TENM3: variants seen among roughly 807,000 people sequenced by gnomAD.
TENM3 encodes the protein teneurin transmembrane protein 3.
In TENM3, 63 loss-of-function variants were observed where a neutral mutation model predicts 255.1. The observed-to-expected ratio is 0.25, with a 90% confidence interval of 0.20 to 0.30. The LOEUF (loss-of-function observed/expected upper bound fraction) is 0.30. Ranked by LOEUF, TENM3 falls within the 10% of genes least tolerant of loss-of-function variation. The probability of loss-of-function intolerance (pLI) is 1.00; values close to 1 mark genes in which losing one functional copy is unlikely to be tolerated. For missense variants in TENM3, 2,929 were observed against 3,461.1 expected (o/e 0.85, Z 3.86); for synonymous variants, 1,306 against 1,322.3 (o/e 0.99, Z 0.27).
intron 3 of TENM3, among the ~76,000 whole-genome samples, chr4:182,416,625 CA>C (rs1770379061): frequency 6.6e-6 from 1 of 152,078 alleles, no homozygotes; most frequent in Admixed American, 6.5e-5. Flanking sequence ...TAAATAAAGT[CA>C]TTGAATATCT....
chr4:181,921,725 T>C, the TENM3 span, among the ~76,000 whole-genome samples: 1 of 152,164 alleles, frequency 6.6e-6, no homozygotes, highest in Non-Finnish European at 1.5e-5. Context: ...ATACCCTTTA[T>C]TTCCTTCTCC....
intron 3 of TENM3, among the ~76,000 whole-genome samples, chr4:182,420,169 A>C (rs893167605): frequency 2.6e-5 from 4 of 152,122 alleles, no homozygotes; most frequent in African/African-American, 9.7e-5. Flanking sequence ...CTATCTGTCA[A>C]GCAGCCTCCT....
intron 4 of TENM3, among the ~76,000 whole-genome samples, chr4:182,609,472 A>G (rs1277386087): frequency 3.3e-5 from 5 of 152,340 alleles, no homozygotes; most frequent in African/African-American, 9.6e-5. Flanking sequence ...TTCTTATACC[A>G]TAAGATTAAA....
intron 1 of TENM3, among the ~76,000 whole-genome samples, chr4:182,205,215 C>G (rs1451397941): frequency 1.3e-5 from 2 of 152,214 alleles, no homozygotes; most frequent in Non-Finnish European, 2.9e-5. Context: ...CTATCACACC[C>G]TTTTCCAATC....
At chr4:182,385,520 C>T (rs1482702974) in intron 3 of TENM3, among the ~76,000 whole-genome samples, 1 of 152,138 alleles carries the variant, frequency 6.6e-6, no homozygotes, top group Non-Finnish European at 1.5e-5. Flanking sequence ...CTGCCTCGGC[C>T]TCCCAAAGTG....
the TENM3 span, among the ~76,000 whole-genome samples, chr4:181,853,868 A>G: frequency 1.3e-5 from 2 of 152,222 alleles, no homozygotes; most frequent in Admixed American, 6.5e-5. Context: ...GATCTTGATA[A>G]GGGAGATTTA....
chr4:181,630,438 C>T, the TENM3 span, among the ~76,000 whole-genome samples: 24 of 152,170 alleles, frequency 1.6e-4, no homozygotes, highest in African/African-American at 5.3e-4. Flanking sequence ...GTTAGGGTGT[C>T]GATTTTAGCT....
chr4:182,048,650 C>G, the TENM3 span, among the ~76,000 whole-genome samples: 1 of 152,044 alleles, frequency 6.6e-6, no homozygotes, highest in Non-Finnish European at 1.5e-5. Context: ...AAACTTTTTT[C>G]TTTTTACATA....
chr4:182,076,217 T>TC, the TENM3 span, among the ~76,000 whole-genome samples: 26 of 87,666 alleles, frequency 3.0e-4, no homozygotes, highest in African/African-American at 9.2e-4. Flanking sequence ...CTTCTTCTTT[T>TC]TTTTTTTTTT....
chr4:182,082,026 C>T, the TENM3 span, among the ~76,000 whole-genome samples: 1 of 152,080 alleles, frequency 6.6e-6, no homozygotes. Context: ...ATTTTACTTG[C>T]TTAGGGTTAT....
At chr4:181,729,208 C>T in the TENM3 span, among the ~76,000 whole-genome samples, 6 of 152,232 alleles carry the variant, frequency 3.9e-5, no homozygotes, top group African/African-American at 1.4e-4. Context: ...TTATTTCTCG[C>T]TGAAAAAGTC....
chr4:182,426,007 C>CAAAAAAAAAA (rs55836889), intron 3 of TENM3, among the ~76,000 whole-genome samples: 19 of 90,718 alleles, frequency 2.1e-4, no homozygotes, highest in Non-Finnish European at 3.3e-4. Context: ...GAGTCCATGT[C>CAAAAAAAAAA]AAAAAAAAAA....
intron 2 of TENM3, among the ~76,000 whole-genome samples, chr4:182,338,702 T>C (rs1421369979): frequency 6.6e-6 from 1 of 152,188 alleles, no homozygotes; most frequent in Non-Finnish European, 1.5e-5. Context: ...TAATAATGTC[T>C]CTGCACCATT....
rs1341140022 is a variant in TENM3, at chr4:182,733,877, ATCTG to A, written c.2967+2744_2967+2747del. Among the ~76,000 whole-genome samples the A allele has an allele frequency of 2.0e-5, 3 of 152,314 alleles. No homozygotes were observed. In the East Asian group the frequency reaches 5.8e-4, roughly 29 times the overall value. On this transcript the variant is annotated intron_variant, in intron 16 of 27. Coordinates refer to ENST00000511685, the MANE Select transcript of TENM3 (RefSeq NM_001080477.4). Reference sequence around the variant, plus strand: ...AAAATAGACTTTACCTAGAGTCAGTATCTGTCTGTAGGTGCCAAATTTCTAGCAA... The same window carrying A: ...AAAATAGACTTTACCTAGAGTCAGTATCTGTAGGTGCCAAATTTCTAGCAA...
intron 1 of TENM3, among the ~76,000 whole-genome samples, chr4:182,152,547 T>C (rs1308619927): frequency 6.6e-6 from 1 of 151,908 alleles, no homozygotes; most frequent in Non-Finnish European, 1.5e-5. Context: ...CCTCAATTGT[T>C]ACTTTGTCCT....
chr4:181,816,383 G>T, the TENM3 span, among the ~76,000 whole-genome samples: 1 of 152,132 alleles, frequency 6.6e-6, no homozygotes, highest in Non-Finnish European at 1.5e-5. Flanking sequence ...GGAGTCAAAG[G>T]AAAACTCTAT....
chr4:182,510,047 T>C (rs978484958), intron 3 of TENM3, among the ~76,000 whole-genome samples: 1 of 152,110 alleles, frequency 6.6e-6, no homozygotes, highest in Non-Finnish European at 1.5e-5. Context: ...AAACAGAAAT[T>C]CACACTGTCA....
At chr4:181,622,630 C>A in the TENM3 span, among the ~76,000 whole-genome samples, 1 of 152,132 alleles carries the variant, frequency 6.6e-6, no homozygotes, top group South Asian at 2.1e-4. Flanking sequence ...GAGCTGAGAT[C>A]GCGCCACTGT....
the TENM3 span, among the ~76,000 whole-genome samples, chr4:181,686,503 A>G: frequency 1.3e-5 from 2 of 151,954 alleles, no homozygotes; most frequent in African/African-American, 4.8e-5. Flanking sequence ...AGCCTTCTTT[A>G]TTTTTTCAAT....
Sources: allele counts gnomAD v4.1 joint callset (sites outside exome capture counted in the v4.1 genomes callset), GRCh38; gene constraint gnomAD v4.1.1; transcripts MANE v1.5; gene names NCBI Gene and HGNC (gene_info 2026-07-23, HGNC 2026-07-21).